The following AGPS variants were observed in gnomAD, a reference collection of about 807,000 sequenced individuals.
The protein encoded by AGPS is alkylglycerone phosphate synthase.
AGPS carries 26 observed loss-of-function variants against 90.7 expected under a neutral mutation model. The observed-to-expected ratio is 0.29, with a 90% CI of 0.21 to 0.40. The LOEUF is 0.40. Ranked by LOEUF, AGPS falls within the 10% of genes least tolerant of loss-of-function variation. The pLI, the probability that AGPS is intolerant of heterozygous loss-of-function variation, is 1.00. For missense variants in AGPS, 540 were observed against 816.1 expected (o/e 0.66, Z 4.12); for synonymous variants, 294 against 285.3 (o/e 1.03, Z -0.31).
intron 12 of AGPS, among the ~76,000 whole-genome samples, chr2:177,495,917 C>CAAAAAAAA: frequency 1.1e-5 from 1 of 93,184 alleles, no homozygotes; most frequent in Non-Finnish European, 2.1e-5. Context: ...GACTCTGTCT[C>CAAAAAAAA]AAAAAAAAAA....
At chr2:177,394,642 A>G (rs1685118584) in intron 1 of AGPS, among the ~76,000 whole-genome samples, 1 of 152,230 alleles carries the variant, frequency 6.6e-6, no homozygotes. Flanking sequence ...GGCTGGGAAC[A>G]TAGACCTGGA....
intron 11 of AGPS, among the ~76,000 whole-genome samples, chr2:177,491,520 G>A (rs1472869770): frequency 6.8e-6 from 1 of 147,274 alleles, no homozygotes; most frequent in African/African-American, 2.5e-5. Flanking sequence ...CGGGCAGTCT[G>A]CCTCCCTTGG....
At chr2:177,511,203 G>A (rs1427564843) in intron 16 of AGPS, among the ~76,000 whole-genome samples, 1 of 152,094 alleles carries the variant, frequency 6.6e-6, no homozygotes, top group East Asian at 1.9e-4. Flanking sequence ...GGGCTCAAAT[G>A]ATTCTCCCAT....
chr2:177,477,395 G>T (rs1415802488), intron 10 of AGPS, among the ~76,000 whole-genome samples: 1 of 151,936 alleles, frequency 6.6e-6, no homozygotes, highest in South Asian at 2.1e-4. Context: ...GGCTTTCAAA[G>T]AAACTGAAAG....
chr2:177,527,799 C>T (rs906224595), intron 19 of AGPS, among the ~76,000 whole-genome samples: 16 of 152,188 alleles, frequency 1.1e-4, no homozygotes, highest in Middle Eastern at 3.4e-3. Context: ...AATCTAGCAA[C>T]GTTTGATGGC....
At chr2:177,531,821 A>G (rs1440027214) in intron 19 of AGPS, among the ~76,000 whole-genome samples, 1 of 152,052 alleles carries the variant, frequency 6.6e-6, no homozygotes, top group Non-Finnish European at 1.5e-5. Flanking sequence ...AGAATAGAGA[A>G]CCCAGAAATA....
intron 12 of AGPS, 94 bp downstream of exon 12, chr2:177,493,293 C>T (rs1265652460): frequency 1.7e-5 from 19 of 1,099,164 alleles, no homozygotes; most frequent in Middle Eastern, 2.0e-4. Context: ...GTAGAAAGAA[C>T]GTCAGTCTTG....
chr2:177,485,492 A>C (rs980069041), intron 11 of AGPS, among the ~76,000 whole-genome samples: 3 of 152,184 alleles, frequency 2.0e-5, no homozygotes, highest in Non-Finnish European at 4.4e-5. Context: ...CAGAAGACCT[A>C]CTTGTGCTAT....
intron 15 of AGPS, among the ~76,000 whole-genome samples, chr2:177,507,050 G>A (rs1041113736): frequency 1.3e-5 from 2 of 151,884 alleles, no homozygotes; most frequent in Admixed American, 1.3e-4. Context: ...CCTACCCCGG[G>A]ATTACATGTT....
chr2:177,411,972 C>T (rs1685634065), intron 1 of AGPS, among the ~76,000 whole-genome samples: 1 of 152,070 alleles, frequency 6.6e-6, no homozygotes, highest in African/African-American at 2.4e-5. Flanking sequence ...ACTTGGGGCC[C>T]TGGCAAGTTG....
intron 1 of AGPS, among the ~76,000 whole-genome samples, chr2:177,408,281 C>T (rs1004298648): frequency 1.7e-4 from 26 of 152,152 alleles, no homozygotes; most frequent in Admixed American, 5.9e-4. Context: ...CTCACCATTG[C>T]TTGCTTCTAT....
chr2:177,493,974 C>G (rs1688341564), intron 12 of AGPS, among the ~76,000 whole-genome samples: 1 of 152,112 alleles, frequency 6.6e-6, no homozygotes, highest in Non-Finnish European at 1.5e-5. Context: ...GAGTTGAAGA[C>G]AACACCTAGA....
chr2:177,442,571 GCGCTGTGGCTCA>G, intron 7 of AGPS, 85 bp downstream of exon 7: 2 of 1,136,168 alleles, frequency 1.8e-6, no homozygotes, highest in Non-Finnish European at 2.6e-6. Flanking sequence ...TAGCCACTGG[GCGCTGTGGCTCA>G]CGCTTGTAAT....
At chr2:177,505,457 A>G in intron 14 of AGPS, 49 bp from the exon 15 acceptor site, 1 of 1,488,444 alleles carries the variant, frequency 6.7e-7, no homozygotes, top group Non-Finnish European at 9.4e-7. Context: ...ATTTATGATA[A>G]ATGAGATTAA....
chr2:177,430,174 C>T (rs1483236943), intron 2 of AGPS, among the ~76,000 whole-genome samples: 1 of 152,248 alleles, frequency 6.6e-6, no homozygotes, highest in African/African-American at 2.4e-5. Flanking sequence ...GTCAACCTAA[C>T]CACAGAAATG....
At chr2:177,501,695 T>C (rs894278005) in intron 14 of AGPS, among the ~76,000 whole-genome samples, 6 of 152,152 alleles carry the variant, frequency 3.9e-5, no homozygotes, top group Non-Finnish European at 7.4e-5. Context: ...TGAGACGGAG[T>C]CTTGCTCTGT....
intron 9 of AGPS, among the ~76,000 whole-genome samples, chr2:177,464,778 G>A (rs539792042): frequency 6.6e-6 from 1 of 152,344 alleles, no homozygotes; most frequent in South Asian, 2.1e-4. Context: ...TATGAAAGGA[G>A]CCTTGCTACA....
chr2:177,542,041 A>T lies in AGPS; in HGVS notation c.*3846A>T, dbSNP rs1418553755. The T allele has an allele frequency of 1.3e-5, 2 of 151,820 alleles. No individual in the cohort carries two copies. The highest frequency in any genetic ancestry group is 2.1e-4 in the South Asian group (1 of 4,820). The allele number at this position is 151,820 out of a possible 1,614,324, so 9.4% of individuals were successfully genotyped here. A position where few individuals can be genotyped will look rare whatever the true frequency, so the allele number is the denominator to read the frequency against. Reference sequence around the variant, plus strand: ...TTAATAAAATGGACCTGGGTCTAATATTTTTTTTCTTCAAAGGGAGTGTGA... The same window carrying T: ...TTAATAAAATGGACCTGGGTCTAATTTTTTTTTTCTTCAAAGGGAGTGTGA... On this transcript the variant is annotated 3_prime_UTR_variant, in exon 20 of 20. Transcript: ENST00000264167.
chr2:177,465,151 G>C (rs1222811845), intron 9 of AGPS, among the ~76,000 whole-genome samples: 1 of 152,054 alleles, frequency 6.6e-6, no homozygotes, highest in Non-Finnish European at 1.5e-5. Flanking sequence ...AAAATTAGCT[G>C]AGCATGGTAG....
Sources: allele counts gnomAD v4.1 joint callset (sites outside exome capture counted in the v4.1 genomes callset), GRCh38; gene constraint gnomAD v4.1.1; transcripts MANE v1.5; gene names NCBI Gene and HGNC (gene_info 2026-07-23, HGNC 2026-07-21).